DPP6: variants seen among roughly 807,000 people sequenced by gnomAD.
DPP6 encodes the protein A-type potassium channel modulatory protein DPP6.
A neutral mutation model predicts 122.6 loss-of-function variants in DPP6; 69 were observed. The ratio of observed to expected loss-of-function variants is 0.56; its 90% CI spans 0.46 to 0.69. The LOEUF is 0.69. DPP6 is among the 30% of genes least tolerant of loss of function. DPP6 has a pLI of 0.00. For synonymous variants in DPP6, 418 were observed against 433.1 expected, an observed-to-expected ratio of 0.97 and a Z score of 0.43; for missense variants, 928 against 1,116.9, an observed-to-expected ratio of 0.83 and a Z score of 2.41.
chr7:154,285,784 T>C (rs1301167614), intron 1 of DPP6, among the ~76,000 whole-genome samples: 1 of 152,238 alleles, frequency 6.6e-6, no homozygotes, highest in Non-Finnish European at 1.5e-5. Flanking sequence ...CTATTACTGC[T>C]GTGCATTTAT....
intron 10 of DPP6, among the ~76,000 whole-genome samples, chr7:154,775,789 G>A (rs756071867): frequency 6.6e-6 from 1 of 152,136 alleles, no homozygotes; most frequent in South Asian, 2.1e-4. Flanking sequence ...ACCACCTTCA[G>A]ATCCATTTGC....
chr7:154,396,299 A>C (rs1220619715), intron 1 of DPP6, among the ~76,000 whole-genome samples: 1 of 152,210 alleles, frequency 6.6e-6, no homozygotes, highest in Non-Finnish European at 1.5e-5. Flanking sequence ...AACATGTCCA[A>C]GCCACCAGGC....
intron 1 of DPP6, among the ~76,000 whole-genome samples, chr7:154,135,539 G>A (rs997304738): frequency 6.6e-6 from 1 of 151,814 alleles, no homozygotes; most frequent in African/African-American, 2.4e-5. Context: ...CTTCCTGTGA[G>A]CATACACTTT....
chr7:154,559,311 A>G (rs1208403429), intron 4 of DPP6, among the ~76,000 whole-genome samples: 1 of 151,498 alleles, frequency 6.6e-6, no homozygotes, highest in Non-Finnish European at 1.5e-5. Flanking sequence ...CAGTAGCAAT[A>G]GAAAACTATT....
chr7:154,573,245 G>C (rs897607226), intron 5 of DPP6, among the ~76,000 whole-genome samples: 7 of 152,128 alleles, frequency 4.6e-5, no homozygotes, highest in Non-Finnish European at 8.8e-5. Flanking sequence ...TCTCATGTGT[G>C]GGGGCTGCTA....
intron 3 of DPP6, among the ~76,000 whole-genome samples, chr7:154,512,854 T>G (rs1387193129): frequency 6.6e-6 from 1 of 152,182 alleles, no homozygotes; most frequent in Non-Finnish European, 1.5e-5. Flanking sequence ...GATTGAGAAT[T>G]CAGTCATTAG....
At chr7:154,743,337 G>A (rs1033501837) in intron 8 of DPP6, among the ~76,000 whole-genome samples, 4 of 152,162 alleles carry the variant, frequency 2.6e-5, no homozygotes, top group South Asian at 2.1e-4. Context: ...TCAGGCTGCC[G>A]GAGAGATTGC....
At chr7:154,333,530 T>C (rs544689746) in intron 1 of DPP6, among the ~76,000 whole-genome samples, 15 of 152,342 alleles carry the variant, frequency 9.8e-5, no homozygotes, top group African/African-American at 3.6e-4. Context: ...CATTGATTTC[T>C]CTCTCTGACA....
Position 154,245,099 on chromosome 7 carries a change from C to T in DPP6, c.243+192036C>T, listed in dbSNP as rs571528408. ...CCGAGTAGCTGGGCTTACAGGCATG[C>T]ACCACCATGCCCAGCTAATTTTTGT... On this transcript the variant is annotated intron_variant, in intron 1 of 25. Transcript: ENST00000377770. Among the ~76,000 whole-genome samples the T allele has an allele frequency of 3.9e-4, 59 of 151,710 alleles. 2 individuals are homozygous for T. The highest frequency in any genetic ancestry group is 4.2e-4 in the South Asian group (2 of 4,798).
At chr7:154,762,523 C>A (rs1275375437) in intron 8 of DPP6, among the ~76,000 whole-genome samples, 2 of 152,366 alleles carry the variant, frequency 1.3e-5, no homozygotes, top group African/African-American at 4.8e-5. Flanking sequence ...GTGTGCCCCA[C>A]GGCCTTCCGC....
At chr7:154,060,525 T>TG (rs1484144364) in intron 1 of DPP6, among the ~76,000 whole-genome samples, 3 of 132,030 alleles carry the variant, frequency 2.3e-5, no homozygotes, top group Non-Finnish European at 4.7e-5. Flanking sequence ...GGACTGCGGG[T>TG]GTTAGGTGTC....
At chr7:154,564,633 G>T (rs915498866) in intron 4 of DPP6, among the ~76,000 whole-genome samples, 2 of 152,172 alleles carry the variant, frequency 1.3e-5, no homozygotes, top group Non-Finnish European at 2.9e-5. Flanking sequence ...CAAAGACATA[G>T]ATTGGGATCT....
intron 2 of DPP6, among the ~76,000 whole-genome samples, chr7:154,468,186 A>G (rs367965154): frequency 6.6e-6 from 1 of 152,220 alleles, no homozygotes; most frequent in Non-Finnish European, 1.5e-5. Context: ...AAAACACAAT[A>G]CTATCTGAAA....
chr7:154,741,156 G>A (rs1842802080), intron 8 of DPP6, among the ~76,000 whole-genome samples: 1 of 152,194 alleles, frequency 6.6e-6, no homozygotes, highest in Non-Finnish European at 1.5e-5. Context: ...CAGCCTTCAA[G>A]CAATGGCAGA....
intron 1 of DPP6, among the ~76,000 whole-genome samples, chr7:153,931,681 A>G (rs1801177957): frequency 6.6e-6 from 1 of 152,244 alleles, no homozygotes; most frequent in Non-Finnish European, 1.5e-5. Context: ...GAGTACACAA[A>G]TTCCTTTTAC....
rs371482022 is a variant in DPP6, at chr7:154,760,980, G to A, written c.884-8437G>A. Among the ~76,000 whole-genome samples, 45 of 151,846 alleles carry A rather than the reference G, an allele frequency of 3.0e-4. No individual in the cohort carries two copies. The highest frequency in any genetic ancestry group is 4.7e-4 in the Non-Finnish European group (32 of 67,952). ...CTCCCGGATAGCTGGGACTACAGGCGCCTGCCACCATGCCCGGCTAATTTT... is the reference window on the plus strand; with the variant it reads ...CTCCCGGATAGCTGGGACTACAGGCACCTGCCACCATGCCCGGCTAATTTT... On this transcript the variant is annotated intron_variant, in intron 8 of 25. Coordinates refer to ENST00000377770, the MANE Select transcript of DPP6 (RefSeq NM_130797.4). This position sits in a 1 kb window ranked among gnomAD's most constrained non-coding sequence, Gnocchi z 4.5.
At chr7:154,295,852 T>C (rs1027018934) in intron 1 of DPP6, among the ~76,000 whole-genome samples, 2 of 150,006 alleles carry the variant, frequency 1.3e-5, no homozygotes, top group Non-Finnish European at 2.9e-5. Context: ...ATTCCTCTTT[T>C]TTCTTAAGTA....
At chr7:154,795,273 C>T (rs1182729879) in intron 11 of DPP6, among the ~76,000 whole-genome samples, 4 of 152,186 alleles carry the variant, frequency 2.6e-5, no homozygotes, top group African/African-American at 7.2e-5. Context: ...AGGCCCACAG[C>T]GCCTCCAGGT....
chr7:154,765,136 T>C (rs1356771896), intron 8 of DPP6, among the ~76,000 whole-genome samples: 2 of 152,220 alleles, frequency 1.3e-5, no homozygotes, highest in Non-Finnish European at 2.9e-5. Flanking sequence ...TCTGGTTTAT[T>C]TCACTTAGCA....
Sources: allele counts gnomAD v4.1 joint callset (sites outside exome capture counted in the v4.1 genomes callset), GRCh38; gene constraint gnomAD v4.1.1; non-coding constraint Gnocchi (gnomAD v3.1); transcripts MANE v1.5; gene names NCBI Gene and HGNC (gene_info 2026-07-23, HGNC 2026-07-21).